REC114: variants seen among roughly 807,000 people sequenced by gnomAD.
The protein encoded by REC114 is meiotic recombination protein REC114.
In REC114, 27 loss-of-function variants were observed where a neutral mutation model predicts 31.3. The observed-to-expected ratio is 0.86, with a 90% CI of 0.64 to 1.19. REC114 has a LOEUF of 1.19. Among genes scored for constraint, REC114 ranks in the 50% most tolerant of loss-of-function variants. The pLI is 0.00. For synonymous variants in REC114, 134 were observed against 127.7 expected, an observed-to-expected ratio of 1.05 and a Z score of -0.33; for missense variants, 344 against 326.9, an observed-to-expected ratio of 1.05 and a Z score of -0.40.
intron 2 of REC114, among the ~76,000 whole-genome samples, chr15:73,522,515 T>A (rs372318181): frequency 1.1e-4 from 16 of 152,108 alleles, no homozygotes; most frequent in African/African-American, 3.9e-4. Context: ...AAATTCATAT[T>A]TTGTGAGGTT....
chr15:73,540,648 T>C, intron 3 of REC114, 80 bp downstream of exon 3: 1 of 1,182,046 alleles, frequency 8.5e-7, no homozygotes. Flanking sequence ...CATCTCTTGG[T>C]AGGTGACGGG....
intron 2 of REC114, among the ~76,000 whole-genome samples, chr15:73,487,583 C>T (rs1041565728): frequency 6.6e-6 from 1 of 152,244 alleles, no homozygotes; most frequent in Non-Finnish European, 1.5e-5. Context: ...CTTTTGTACA[C>T]ACTGGGGTGG....
At chr15:73,487,319 C>A (rs1283838210) in intron 2 of REC114, among the ~76,000 whole-genome samples, 2 of 152,146 alleles carry the variant, frequency 1.3e-5, no homozygotes, top group Non-Finnish European at 2.9e-5. Context: ...AGAGTCTCAT[C>A]TCTAAATCAG....
intron 2 of REC114, among the ~76,000 whole-genome samples, chr15:73,513,548 G>C (rs1893808245): frequency 6.7e-6 from 1 of 150,062 alleles, no homozygotes; most frequent in African/African-American, 2.4e-5. Flanking sequence ...CAGTTTTTCT[G>C]TTCTGTTTTT....
chr15:73,455,094 A>G (rs1462400735), intron 1 of REC114, among the ~76,000 whole-genome samples: 1 of 152,172 alleles, frequency 6.6e-6, no homozygotes. Context: ...CGCTGTGATC[A>G]GTTTCAGCCT....
At chr15:73,481,650 CTTTTTTTTTTT>C (rs530704232) in intron 2 of REC114, among the ~76,000 whole-genome samples, 10,933 of 114,118 alleles carry the variant, frequency 0.096, 672 homozygotes, top group African/African-American at 0.22. Flanking sequence ...TCTTAACTCC[CTTTTTTTTTTT>C]TTTTTTTTTT....
chr15:73,470,259 A>C (rs942019910), intron 1 of REC114, among the ~76,000 whole-genome samples: 10 of 152,164 alleles, frequency 6.6e-5, no homozygotes, highest in Non-Finnish European at 1.0e-4. Flanking sequence ...AATATTGTTT[A>C]TCAATATAAT....
At chr15:73,472,475 A>G (rs937652820) in intron 1 of REC114, among the ~76,000 whole-genome samples, 1 of 152,184 alleles carries the variant, frequency 6.6e-6, no homozygotes, top group African/African-American at 2.4e-5. Flanking sequence ...AAAACTCCAA[A>G]CCCCACGTAT....
intron 2 of REC114, among the ~76,000 whole-genome samples, chr15:73,510,944 G>C (rs1893756203): frequency 6.6e-6 from 1 of 152,188 alleles, no homozygotes; most frequent in Admixed American, 6.5e-5. Flanking sequence ...GTATCAGGAT[G>C]ATGCTGGCTT....
intron 1 of REC114, among the ~76,000 whole-genome samples, chr15:73,473,080 A>C (rs940973869): frequency 1.3e-5 from 2 of 152,174 alleles, no homozygotes; most frequent in Admixed American, 6.5e-5. Flanking sequence ...GGAAAGCACC[A>C]GATGTTAAGG....
At chr15:73,530,468 C>T (rs1159427143) in intron 2 of REC114, among the ~76,000 whole-genome samples, 2 of 152,094 alleles carry the variant, frequency 1.3e-5, no homozygotes, top group African/African-American at 2.4e-5. Context: ...TACAACATAG[C>T]GAGACCCCAT....
intron 2 of REC114, among the ~76,000 whole-genome samples, chr15:73,514,468 C>A (rs1278321402): frequency 6.6e-6 from 1 of 152,102 alleles, no homozygotes; most frequent in Non-Finnish European, 1.5e-5. Context: ...TGGCTCCTCC[C>A]CCGCCACAGC....
At chr15:73,533,500 A>AT (rs1236831637) in intron 2 of REC114, among the ~76,000 whole-genome samples, 1 of 151,346 alleles carries the variant, frequency 6.6e-6, no homozygotes, top group Non-Finnish European at 1.5e-5. Flanking sequence ...TCCTAAATAT[A>AT]TATGCACCCA....
rs1313732058 is a variant in REC114 at position 73,559,990 on chromosome 15, T to TTAGAATAAAGAGTATTATC, written c.*75_*93dup. 1.9e-4 allele frequency: 258 copies of TTAGAATAAAGAGTATTATC among 1,378,036 alleles called. No individual in the cohort carries two copies. The highest frequency in any genetic ancestry group is 3.9e-4 in the Admixed American group (15 of 38,700). 85.4% of individuals were successfully genotyped at this position (1,378,036 alleles called of 1,614,324 possible). A position where few individuals can be genotyped will look rare whatever the true frequency, so the allele number is the denominator to read the frequency against. On this transcript the variant is annotated 3_prime_UTR_variant, in exon 6 of 6. Coordinates refer to ENST00000331090, the MANE Select transcript of REC114 (RefSeq NM_001042367.2). ...CTTCCTCCTAAAATTAAAGAAGATA[T>TTAGAATAAAGAGTATTATC]TAGAATAAAGAGTATTATCCAAACA...
chr15:73,544,838 T>C (rs1383963732), intron 3 of REC114, among the ~76,000 whole-genome samples: 1 of 152,178 alleles, frequency 6.6e-6, no homozygotes, highest in Admixed American at 6.5e-5. Context: ...ACTGCTTCAG[T>C]TGGGGTCTTA....
chr15:73,493,872 C>T (rs368876906), intron 2 of REC114, among the ~76,000 whole-genome samples: 8 of 152,304 alleles, frequency 5.3e-5, no homozygotes, highest in Admixed American at 1.3e-4. Context: ...TTATCTGGTA[C>T]GCTGCATTAC....
At chr15:73,476,746 TG>T (rs1157283124) in intron 2 of REC114, among the ~76,000 whole-genome samples, 3 of 152,222 alleles carry the variant, frequency 2.0e-5, no homozygotes, top group Non-Finnish European at 2.9e-5. Context: ...AATATTCCAT[TG>T]CATAGGTAAA....
intron 3 of REC114, among the ~76,000 whole-genome samples, chr15:73,540,977 T>C (rs1894230535): frequency 6.6e-6 from 1 of 152,266 alleles, no homozygotes; most frequent in Non-Finnish European, 1.5e-5. Flanking sequence ...TTTCTAGCTG[T>C]ATTAAGTGTA....
intron 2 of REC114, among the ~76,000 whole-genome samples, chr15:73,499,989 A>G (rs1893582352): frequency 6.6e-6 from 1 of 152,118 alleles, no homozygotes; most frequent in South Asian, 2.1e-4. Context: ...CCATGCATCC[A>G]TCACCCAACT....
Sources: gnomAD v4.1 joint callset for allele counts (sites outside exome capture counted in the v4.1 genomes callset) on GRCh38, gnomAD v4.1.1 for gene constraint, MANE v1.5 for transcripts, NCBI Gene and HGNC (gene_info 2026-07-23, HGNC 2026-07-21) for gene names.